The following TYW1 variants were observed in gnomAD, a reference collection of about 807,000 sequenced individuals.
The protein encoded by TYW1 is S-adenosyl-L-methionine-dependent tRNA 4-demethylwyosine synthase TYW1.
TYW1 carries 46 observed loss-of-function variants against 96.2 expected under a neutral mutation model. The ratio of observed to expected loss-of-function variants is 0.48; its 90% CI spans 0.38 to 0.61. TYW1 has a LOEUF of 0.61. TYW1 is among the 20% of genes least tolerant of loss of function. The pLI, the probability that TYW1 is intolerant of heterozygous loss-of-function variation, is 0.00. For missense variants in TYW1, 684 were observed against 909.6 expected (o/e 0.75, Z 3.19); for synonymous variants, 274 against 323.0 (o/e 0.85, Z 1.63).
intron 13 of TYW1, among the ~76,000 whole-genome samples, chr7:67,166,244 G>A (rs1799318010): frequency 7.3e-6 from 1 of 137,076 alleles, no homozygotes; most frequent in Non-Finnish European, 1.6e-5. Context: ...GACAGAGCGT[G>A]AACCTCTCAA....
intron 15 of TYW1, among the ~76,000 whole-genome samples, chr7:67,213,163 C>G (rs1460672129): frequency 2.1e-5 from 3 of 140,380 alleles, no homozygotes; most frequent in Non-Finnish European, 4.7e-5. Flanking sequence ...TGAGCCACCA[C>G]GCCCGGCCCT....
chr7:67,169,895 G>A lies in TYW1; in HGVS notation c.1699-13231G>A, dbSNP rs181703307. Among the ~76,000 whole-genome samples the A allele has an allele frequency of 9.2e-5, 14 of 152,216 alleles. No homozygotes were observed. The East Asian group carries it at 2.7e-3, about 29-fold the overall frequency. ...TTCACACTTATGAGTAAAATTGCTGGGTCATATAGTAATTCTATATTTAAC... is the reference window on the plus strand; with the variant it reads ...TTCACACTTATGAGTAAAATTGCTGAGTCATATAGTAATTCTATATTTAAC... On this transcript the variant is annotated intron_variant, in intron 13 of 15. Coordinates refer to ENST00000359626, the MANE Select transcript of TYW1 (RefSeq NM_018264.4).
intron 13 of TYW1, among the ~76,000 whole-genome samples, chr7:67,138,375 G>A (rs946738165): frequency 6.6e-6 from 1 of 151,978 alleles, no homozygotes; most frequent in African/African-American, 2.4e-5. Context: ...ATATTTATAA[G>A]GTACCTGAGA....
chr7:67,215,121 C>T (rs1202035828), intron 15 of TYW1, among the ~76,000 whole-genome samples: 1 of 150,788 alleles, frequency 6.6e-6, no homozygotes, highest in Non-Finnish European at 1.5e-5. Context: ...AGTGAACCCA[C>T]CTAGGACAAG....
chr7:67,181,016 T>A (rs993532575), intron 13 of TYW1, among the ~76,000 whole-genome samples: 4 of 152,062 alleles, frequency 2.6e-5, no homozygotes, highest in Non-Finnish European at 5.9e-5. Context: ...TTTTTTTTAA[T>A]GTTAAGGATG....
chr7:67,108,779 A>G (rs959852055), intron 12 of TYW1, among the ~76,000 whole-genome samples: 1 of 152,116 alleles, frequency 6.6e-6, no homozygotes, highest in African/African-American at 2.4e-5. Flanking sequence ...GAACTTGTTC[A>G]CAGAAAAATT....
At chr7:67,068,678 G>A (rs1016855393) in intron 10 of TYW1, among the ~76,000 whole-genome samples, 6 of 151,980 alleles carry the variant, frequency 3.9e-5, no homozygotes, top group Non-Finnish European at 7.4e-5. Flanking sequence ...AACCATTTCC[G>A]TGGCTTCATT....
rs1798981234 is a variant in TYW1, at chr7:67,156,520, A to C, written c.1699-26606A>C. 2.6e-5 allele frequency among the ~76,000 whole-genome samples: 4 copies of C among 152,136 alleles called. No homozygotes were observed. The South Asian group carries it at 8.3e-4, about 32-fold the overall frequency. On this transcript the variant is annotated intron_variant, in intron 13 of 15. Transcript: ENST00000359626. ...GTAGCTCCCAGGCTTTGGAGAACACATGTTTTGGCTCTTTTCGTCCTGGGA... is the reference window on the plus strand; with the variant it reads ...GTAGCTCCCAGGCTTTGGAGAACACCTGTTTTGGCTCTTTTCGTCCTGGGA...
At position 67,061,460 on chromosome 7, in the gene TYW1, G is replaced by C. The variant is rs144558301; in HGVS notation, c.1155+5573G>C. Among the ~76,000 whole-genome samples, 250 of 152,258 alleles carry C rather than the reference G, an allele frequency of 1.6e-3. 4 individuals are homozygous for C. The East Asian group carries it at 0.041, about 25-fold the overall frequency. On this transcript the variant is annotated intron_variant, in intron 9 of 15. Transcript: ENST00000359626. ...CCACATTGATCACACAGGAATCTCAGATTTAAAAACCTCCTGAGCTAGGAA... is the reference window on the plus strand; with the variant it reads ...CCACATTGATCACACAGGAATCTCACATTTAAAAACCTCCTGAGCTAGGAA...
At position 67,154,862 on chromosome 7, in the gene TYW1, T is replaced by C. The variant is rs1302889532; in HGVS notation, c.1699-28264T>C. 2.0e-5 allele frequency among the ~76,000 whole-genome samples: 3 copies of C among 152,160 alleles called. No homozygotes were observed. The East Asian group carries it at 5.8e-4, about 29-fold the overall frequency. On this transcript the variant is annotated intron_variant, in intron 13 of 15. Coordinates refer to ENST00000359626, the MANE Select transcript of TYW1 (RefSeq NM_018264.4). Reference sequence around the variant, plus strand: ...GGTGTCCTGCATGTCACATAGGCTTTCTGTATACTTTTAAATTATCTTTTT... The same window carrying C: ...GGTGTCCTGCATGTCACATAGGCTTCCTGTATACTTTTAAATTATCTTTTT...
chr7:67,000,408 C>T (rs1379487356), intron 3 of TYW1, among the ~76,000 whole-genome samples: 1 of 152,072 alleles, frequency 6.6e-6, no homozygotes, highest in African/African-American at 2.4e-5. Flanking sequence ...GAGCAATTCT[C>T]CTGCCTCAGC....
At chr7:67,025,291 T>C (rs1794412109) in intron 7 of TYW1, among the ~76,000 whole-genome samples, 1 of 152,080 alleles carries the variant, frequency 6.6e-6, no homozygotes, top group African/African-American at 2.4e-5. Flanking sequence ...TCCAATCTTT[T>C]GGCTTTCCTG....
Position 67,025,028 on chromosome 7 carries a change from G to A in TYW1, c.984+6G>A, listed in dbSNP as rs535839265. 1.1e-5 allele frequency: 18 copies of A among 1,613,568 alleles called. No homozygotes were observed. Among genetic ancestry groups the A allele is most frequent in the South Asian group, 3.3e-5 (3 of 91,056 alleles). ...ATCATGTGAAGAAAGAAAAGGTACC[G>A]TTACTTTGGGAAATGTTGCACTTGG... On this transcript the variant is annotated splice_donor_region_variant and intron_variant, in intron 7 of 15. Coordinates refer to ENST00000359626, the MANE Select transcript of TYW1 (RefSeq NM_018264.4).
chr7:67,019,096 C>G (rs1003894996), intron 6 of TYW1, among the ~76,000 whole-genome samples: 7 of 152,026 alleles, frequency 4.6e-5, no homozygotes, highest in African/African-American at 1.7e-4. Flanking sequence ...CTGGCCAAAC[C>G]CCAAGCCAGG....
chr7:67,068,378 C>G (rs1051982369), intron 10 of TYW1, among the ~76,000 whole-genome samples: 12 of 152,226 alleles, frequency 7.9e-5, no homozygotes, highest in African/African-American at 2.9e-4. Flanking sequence ...TCCTAGTTCT[C>G]TATGCCAACT....
chr7:67,180,421 TATA>T, intron 13 of TYW1, among the ~76,000 whole-genome samples: 1 of 75,850 alleles, frequency 1.3e-5, no homozygotes, highest in Non-Finnish European at 2.6e-5. Context: ...TATATATATA[TATA>T]ATTTTTTTTT....
chr7:67,072,334 C>T (rs1796054927), intron 10 of TYW1, among the ~76,000 whole-genome samples: 1 of 151,676 alleles, frequency 6.6e-6, no homozygotes, highest in Non-Finnish European at 1.5e-5. Flanking sequence ...GCAACCTCCA[C>T]CTCCTGGGTT....
intron 15 of TYW1, among the ~76,000 whole-genome samples, chr7:67,200,771 A>T (rs1483959103): frequency 6.6e-6 from 1 of 152,186 alleles, no homozygotes; most frequent in African/African-American, 2.4e-5. Context: ...TCTGAGGACT[A>T]CTTGGTCCCA....
At chr7:67,229,538 CAA>C (rs56827871) in intron 15 of TYW1, among the ~76,000 whole-genome samples, 10 of 139,178 alleles carry the variant, frequency 7.2e-5, no homozygotes, top group Non-Finnish European at 7.9e-5. Flanking sequence ...GACTCCATCT[CAA>C]AAAAAAAAAA....
Sources: allele counts gnomAD v4.1 joint callset (sites outside exome capture counted in the v4.1 genomes callset), GRCh38; gene constraint gnomAD v4.1.1; transcripts MANE v1.5; gene names NCBI Gene and HGNC (gene_info 2026-07-23, HGNC 2026-07-21).